SSBP2: variants seen among roughly 807,000 people sequenced by gnomAD.
SSBP2 encodes the protein single stranded DNA binding protein 2.
In SSBP2, 17 loss-of-function variants were observed where a neutral mutation model predicts 61.8. The observed-to-expected ratio is 0.28, with a 90% CI of 0.19 to 0.41. SSBP2 has a LOEUF of 0.41. Ranked by LOEUF, SSBP2 falls within the 10% of genes least tolerant of loss-of-function variation. The probability of loss-of-function intolerance (pLI) is 1.00; values close to 1 mark genes in which losing one functional copy is unlikely to be tolerated. For synonymous variants in SSBP2, 139 were observed against 141.3 expected, an observed-to-expected ratio of 0.98 and a Z score of 0.12; for missense variants, 310 against 458.7, an observed-to-expected ratio of 0.68 and a Z score of 2.96.
chr5:81,649,541 C>T (rs1414575955), intron 2 of SSBP2, among the ~76,000 whole-genome samples: 1 of 151,998 alleles, frequency 6.6e-6, no homozygotes, highest in African/African-American at 2.4e-5. Flanking sequence ...AAATACTGCA[C>T]ATTCTCACTT....
intron 5 of SSBP2, among the ~76,000 whole-genome samples, chr5:81,499,654 T>C (rs938438688): frequency 2.0e-5 from 3 of 152,220 alleles, no homozygotes; most frequent in African/African-American, 7.2e-5. Context: ...GATTAACCCA[T>C]ATTTAAAAAA....
At chr5:81,599,915 A>G (rs1247424967) in intron 4 of SSBP2, among the ~76,000 whole-genome samples, 1 of 152,146 alleles carries the variant, frequency 6.6e-6, no homozygotes, top group Non-Finnish European at 1.5e-5. Context: ...TGTTTCCACA[A>G]TATGCTGTGT....
chr5:81,732,155 T>C (rs1053641363), intron 1 of SSBP2, among the ~76,000 whole-genome samples: 1 of 152,170 alleles, frequency 6.6e-6, no homozygotes, highest in Non-Finnish European at 1.5e-5. Flanking sequence ...AACTAAAATA[T>C]GCAAAAATTA....
In SSBP2 at chr5:81,520,277, G is replaced by A. The variant is rs115082407; in HGVS notation, c.283-6560C>T. ...TGGGATTATAGGCGTGAGCCACCAC[G>A]CCTGGTCTATTTTCCCCTTTTTAAA... On this transcript the variant is annotated intron_variant, in intron 4 of 16. Transcript: ENST00000320672. 6.1e-3 allele frequency among the ~76,000 whole-genome samples: 929 copies of A among 152,184 alleles called. 13 individuals are homozygous for A. The highest frequency in any genetic ancestry group is 0.021 in the African/African-American group (891 of 41,522).
At chr5:81,600,821 A>C (rs1194581734) in intron 4 of SSBP2, among the ~76,000 whole-genome samples, 1 of 152,150 alleles carries the variant, frequency 6.6e-6, no homozygotes, top group Non-Finnish European at 1.5e-5. Flanking sequence ...TATAGTAACA[A>C]AATAATAGAG....
chr5:81,476,998 ATGTG>A (rs760728020), intron 6 of SSBP2, among the ~76,000 whole-genome samples: 7 of 150,698 alleles, frequency 4.6e-5, no homozygotes, highest in East Asian at 3.9e-4. Context: ...GTGTGTGTGT[ATGTG>A]TGTGTGTGTG....
At chr5:81,719,201 G>A (rs952603597) in intron 1 of SSBP2, among the ~76,000 whole-genome samples, 1 of 152,030 alleles carries the variant, frequency 6.6e-6, no homozygotes, top group Non-Finnish European at 1.5e-5. Flanking sequence ...AAATTCATGG[G>A]GTGTTTTCAA....
At position 81,690,124 on chromosome 5, in the gene SSBP2, A is replaced by G. The variant is rs184369381; in HGVS notation, c.63-39785T>C. 2.7e-3 allele frequency among the ~76,000 whole-genome samples: 412 copies of G among 152,260 alleles called. 1 individual carries two copies. Among genetic ancestry groups the G allele is most frequent in the African/African-American group, 9.4e-3 (392 of 41,580 alleles). On this transcript the variant is annotated intron_variant, in intron 1 of 16. Coordinates refer to ENST00000320672, the MANE Select transcript of SSBP2 (RefSeq NM_012446.5). The stretch of plus-strand genomic sequence containing the variant: ...TAAACAAAAAAATAAAAAGCAAGAA[A>G]TTAAAACATAATACCAGAGAAAATC...
In SSBP2 at chr5:81,616,777, C is replaced by A. The variant is rs827074; in HGVS notation, c.198-1220G>T. Among the ~76,000 whole-genome samples the A allele has an allele frequency of 6.0e-3, 912 of 151,326 alleles. 7 individuals carry two copies. The highest frequency in any genetic ancestry group is 0.021 in the African/African-American group (849 of 41,172). ...TCTGAGAACGGGCAGACTGCCTCCT[C>A]AAGTGGGTCCCTGACCCCTGTGCCC... On this transcript the variant is annotated intron_variant, in intron 3 of 16. Transcript: ENST00000320672.
At position 81,650,294 on chromosome 5, in the gene SSBP2, C is replaced by T; in HGVS notation, c.108G>A (p.Gln36=). 13 of 1,592,616 alleles carry T rather than the reference C, an allele frequency of 8.2e-6. No individual in the cohort carries two copies. The highest frequency in any genetic ancestry group is 1.1e-5 in the Non-Finnish European group (13 of 1,169,978). ...CTGATAAAAATGTTTGAGCTGATTTCTGAGCTCCTACATGGAGCAGATATT... is the reference window on the plus strand; with the variant it reads ...CTGATAAAAATGTTTGAGCTGATTTTTGAGCTCCTACATGGAGCAGATATT... The change falls in exon 2 of 17, where the codon CAG becomes CAA. Residue 36 remains glutamine, a synonymous_variant. Transcript: ENST00000320672.
intron 1 of SSBP2, among the ~76,000 whole-genome samples, chr5:81,704,734 T>C (rs1335455193): frequency 7.6e-6 from 1 of 131,292 alleles, no homozygotes; most frequent in Non-Finnish European, 1.6e-5. Context: ...AGGCGGAGGT[T>C]GCAGTGAGCC....
intron 12 of SSBP2, among the ~76,000 whole-genome samples, chr5:81,444,284 G>A (rs890189811): frequency 2.6e-5 from 4 of 151,984 alleles, no homozygotes; most frequent in Admixed American, 6.6e-5. Context: ...TTTTTCCTGT[G>A]ACCAACCTTT....
intron 5 of SSBP2, among the ~76,000 whole-genome samples, chr5:81,489,798 T>C (rs936631247): frequency 5.6e-4 from 85 of 152,308 alleles, no homozygotes; most frequent in African/African-American, 2.0e-3. Context: ...AAATTTCTTT[T>C]CCAAGGGTCA....
chr5:81,538,385 G>A (rs1483992272), intron 4 of SSBP2, among the ~76,000 whole-genome samples: 1 of 152,172 alleles, frequency 6.6e-6, no homozygotes, highest in African/African-American at 2.4e-5. Flanking sequence ...GAAGTTTAAG[G>A]AAGGAAGCTG....
At chr5:81,664,218 G>T (rs1269324015) in intron 1 of SSBP2, among the ~76,000 whole-genome samples, 1 of 151,384 alleles carries the variant, frequency 6.6e-6, no homozygotes, top group Non-Finnish European at 1.5e-5. Context: ...TGCCTCCCGG[G>T]TTCTAGTGAT....
intron 15 of SSBP2, among the ~76,000 whole-genome samples, chr5:81,432,997 T>C (rs1426560049): frequency 8.8e-5 from 10 of 114,130 alleles, no homozygotes; most frequent in South Asian, 2.9e-4. Context: ...GGGGTCAGAC[T>C]CCCGCCCGGC....
intron 4 of SSBP2, among the ~76,000 whole-genome samples, chr5:81,595,105 T>C (rs1486208594): frequency 6.6e-6 from 1 of 151,742 alleles, no homozygotes; most frequent in Admixed American, 6.6e-5. Context: ...GCAAGACTAA[T>C]AAAGAAGAAG....
At chr5:81,551,472 T>A (rs181920434) in intron 4 of SSBP2, among the ~76,000 whole-genome samples, 248 of 152,352 alleles carry the variant, frequency 1.6e-3, no homozygotes, top group African/African-American at 5.8e-3. Context: ...TACTTTTATA[T>A]AGCATTAACC....
chr5:81,666,915 C>G (rs1751182354), intron 1 of SSBP2, among the ~76,000 whole-genome samples: 1 of 152,188 alleles, frequency 6.6e-6, no homozygotes, highest in Admixed American at 6.5e-5. Context: ...CCTTGGAAGT[C>G]TTGCTGTACT....
Sources: gnomAD v4.1 joint callset for allele counts (sites outside exome capture counted in the v4.1 genomes callset) on GRCh38, gnomAD v4.1.1 for gene constraint, MANE v1.5 for transcripts, NCBI Gene and HGNC (gene_info 2026-07-23, HGNC 2026-07-21) for gene names.